Variants in PKNOX2 observed in about 807,000 individuals in gnomAD.
The protein encoded by PKNOX2 is PBX/knotted 1 homeobox 2.
Under a neutral mutation model 53.1 loss-of-function variants are expected in PKNOX2, and 14 were observed. That is an observed-to-expected ratio of 0.26 (90% CI 0.17 to 0.41). The LOEUF (loss-of-function observed/expected upper bound fraction) is 0.41, where lower values mean the gene tolerates loss of function less well. Among genes scored for constraint, PKNOX2 ranks in the 10% least tolerant of loss-of-function variants. PKNOX2 has a pLI of 1.00. For missense variants in PKNOX2, 496 were observed against 602.8 expected, an observed-to-expected ratio of 0.82 and a Z score of 1.85; for synonymous variants, 257 against 242.8, an observed-to-expected ratio of 1.06 and a Z score of -0.54.
At chr11:125,199,888 G>A (rs1938230823) in intron 1 of PKNOX2, among the ~76,000 whole-genome samples, 1 of 152,136 alleles carries the variant, frequency 6.6e-6, no homozygotes, top group South Asian at 2.1e-4. Context: ...AAAACTTACT[G>A]GGTCTCTCGT....
chr11:125,198,771 A>ACCT (rs1938063099), intron 1 of PKNOX2, among the ~76,000 whole-genome samples: 1 of 140,184 alleles, frequency 7.1e-6, no homozygotes, highest in African/African-American at 2.7e-5. Context: ...TGCAGATTCT[A>ACCT]CTCCCTCACC....
At chr11:125,364,322 C>T (rs1004427718) in intron 4 of PKNOX2, among the ~76,000 whole-genome samples, 10 of 152,250 alleles carry the variant, frequency 6.6e-5, no homozygotes, top group African/African-American at 9.6e-5. Context: ...TCATCGTCCT[C>T]CTCAGACCAG....
intron 6 of PKNOX2, among the ~76,000 whole-genome samples, chr11:125,393,303 G>T (rs1401401342): frequency 6.6e-6 from 1 of 152,140 alleles, no homozygotes; most frequent in Non-Finnish European, 1.5e-5. Flanking sequence ...GTTGATAGAG[G>T]TCCTAGAAGT....
At chr11:125,227,601 T>G (rs1656087555) in intron 1 of PKNOX2, among the ~76,000 whole-genome samples, 1 of 152,246 alleles carries the variant, frequency 6.6e-6, no homozygotes, top group Non-Finnish European at 1.5e-5. Context: ...TGTAGACGTA[T>G]GCATGCCACA....
chr11:125,314,859 A>C (rs1242956432), intron 2 of PKNOX2, among the ~76,000 whole-genome samples: 1 of 152,090 alleles, frequency 6.6e-6, no homozygotes, highest in Non-Finnish European at 1.5e-5. Context: ...CAGCCTCCTT[A>C]AGGGAAAAGG....
chr11:125,368,473 G>C (rs1224493809), intron 5 of PKNOX2, among the ~76,000 whole-genome samples: 1 of 152,212 alleles, frequency 6.6e-6, no homozygotes, highest in African/African-American at 2.4e-5. Flanking sequence ...GGACAAATCA[G>C]TAGATCAAGC....
intron 1 of PKNOX2, among the ~76,000 whole-genome samples, chr11:125,168,943 T>C (rs955438272): frequency 6.6e-5 from 10 of 152,370 alleles, no homozygotes; most frequent in African/African-American, 2.2e-4. Flanking sequence ...CTTTCTGAAA[T>C]TCTATCTCTA....
chr11:125,284,438 C>A (rs112530458), intron 2 of PKNOX2, among the ~76,000 whole-genome samples: 1 of 152,200 alleles, frequency 6.6e-6, no homozygotes, highest in Non-Finnish European at 1.5e-5. Context: ...TGCGTGTTAG[C>A]GCCAAGACAC....
chr11:125,195,709 T>G (rs528767302), intron 1 of PKNOX2, among the ~76,000 whole-genome samples: 16 of 151,964 alleles, frequency 1.1e-4, no homozygotes, highest in African/African-American at 3.6e-4. Context: ...CAACACTGAG[T>G]TTGAGATGCC....
rs904916121 is a variant in PKNOX2 at position 125,165,966 on chromosome 11, G to A, written c.-201+1190G>A. ...GCCGTCCTTTCCCGGGGCTCTTCAC[G>A]GGGGAGCCGGGGGTTTCCGCGCGGT... On this transcript the variant is annotated intron_variant, in intron 1 of 12. Coordinates refer to ENST00000298282, the MANE Select transcript of PKNOX2 (RefSeq NM_001382323.2). This position sits in a 1 kb window ranked among gnomAD's most constrained non-coding sequence, Gnocchi z 4.5. Among the ~76,000 whole-genome samples, 4 of 152,166 alleles carry A rather than the reference G, an allele frequency of 2.6e-5. 1 individual carries two copies. The South Asian group carries it at 6.2e-4, about 24-fold the overall frequency.
chr11:125,427,276 GC>G (rs1233544392), intron 10 of PKNOX2, among the ~76,000 whole-genome samples: 4 of 152,172 alleles, frequency 2.6e-5, no homozygotes, highest in Non-Finnish European at 5.9e-5. Flanking sequence ...CTCCTGTAAT[GC>G]TGATGTGCCT....
At chr11:125,382,354 G>T (rs918387343) in intron 5 of PKNOX2, among the ~76,000 whole-genome samples, 3 of 152,160 alleles carry the variant, frequency 2.0e-5, no homozygotes, top group African/African-American at 7.2e-5. Context: ...CACACACTTT[G>T]TCCCCTCCCT....
intron 8 of PKNOX2, 21 bp downstream of exon 8, chr11:125,410,346 G>T: frequency 6.2e-7 from 1 of 1,613,268 alleles, no homozygotes; most frequent in African/African-American, 1.3e-5. Flanking sequence ...AGACTGGGAA[G>T]GGTGATTGTG....
intron 1 of PKNOX2, among the ~76,000 whole-genome samples, chr11:125,203,986 A>G (rs1320545117): frequency 6.6e-6 from 1 of 152,236 alleles, no homozygotes; most frequent in African/African-American, 2.4e-5. Flanking sequence ...CCCTCTGCTC[A>G]GAGGGTGGGG....
intron 2 of PKNOX2, among the ~76,000 whole-genome samples, chr11:125,286,305 G>T (rs992247111): frequency 9.9e-4 from 150 of 152,212 alleles, no homozygotes; most frequent in Non-Finnish European, 1.6e-4. Context: ...TGTCAACAAA[G>T]GTTTAATAAC....
At chr11:125,360,054 G>A (rs1352772700) in intron 4 of PKNOX2, among the ~76,000 whole-genome samples, 1 of 152,006 alleles carries the variant, frequency 6.6e-6, no homozygotes, top group Non-Finnish European at 1.5e-5. Flanking sequence ...GCTGAAGCAG[G>A]AGAATCGCCT....
At chr11:125,357,930 C>A (rs954432755) in intron 4 of PKNOX2, among the ~76,000 whole-genome samples, 4 of 152,178 alleles carry the variant, frequency 2.6e-5, no homozygotes, top group Non-Finnish European at 5.9e-5. Context: ...GTGGGCCATG[C>A]GGACATTGTG....
intron 2 of PKNOX2, among the ~76,000 whole-genome samples, chr11:125,245,759 G>T (rs1236570454): frequency 6.6e-6 from 1 of 152,196 alleles, no homozygotes; most frequent in African/African-American, 2.4e-5. Context: ...TGAAGGAGAG[G>T]CTCATAGGTT....
chr11:125,372,208 C>T (rs1365683226), intron 5 of PKNOX2, among the ~76,000 whole-genome samples: 2 of 152,134 alleles, frequency 1.3e-5, no homozygotes, highest in East Asian at 3.8e-4. Flanking sequence ...GGGAGCAGCT[C>T]CGATTCGTAG....
Sources: gnomAD v4.1 joint callset for allele counts (sites outside exome capture counted in the v4.1 genomes callset) on GRCh38, gnomAD v4.1.1 for gene constraint, Gnocchi (gnomAD v3.1) non-coding constraint, MANE v1.5 for transcripts, NCBI Gene and HGNC (gene_info 2026-07-23, HGNC 2026-07-21) for gene names.